The following ZNF469 variants were observed in gnomAD, a reference collection of about 807,000 sequenced individuals.
ZNF469 encodes the protein zinc finger protein 469.
In ZNF469, 1 loss-of-function variant was observed where a neutral mutation model predicts 1.0. The ratio of observed to expected loss-of-function variants is 1.00; its 90% CI spans 0.35 to 4.73. The LOEUF (loss-of-function observed/expected upper bound fraction) is 4.73, where lower values mean the gene tolerates loss of function less well. ZNF469 is among the 30% of genes most tolerant of loss of function. ZNF469 has a pLI of 0.16. For missense variants in ZNF469, 6,100 were observed against 5,356.3 expected (o/e 1.14, Z -4.33); for synonymous variants, 2,703 against 2,363.4 (o/e 1.14, Z -4.17).
At position 88,429,634 on chromosome 16, in the gene ZNF469, G is replaced by A. The variant is rs989136489; in HGVS notation, c.2164G>A (p.Ala722Thr). Residue 722 changes from alanine (A) to threonine (T), a missense_variant, in exon 3 of 3, where the codon GCC becomes ACC. By Grantham distance (58) the Ala-to-Thr change is moderately conservative. Transcript: ENST00000565624. ...CACACACCACTTCTCCCTCAGCAGC[G>A]CCAGCCTGGACCAGCTGGACGTGCT... The part of the protein sequence containing the change: ...YPTHHFSLSS[A>T]SLDQLDVLLT... 11 of 1,544,404 alleles carry A rather than the reference G, an allele frequency of 7.1e-6. No individual in the cohort carries two copies. The highest frequency in any genetic ancestry group is 1.4e-5 in the African/African-American group (1 of 72,920).
the ZNF469 span, among the ~76,000 whole-genome samples, chr16:88,342,739 G>A: frequency 1.5e-4 from 23 of 152,308 alleles, no homozygotes; most frequent in Admixed American, 3.3e-4. Context: ...TCTGTTCTGC[G>A]TTGGGCCAGG....
At chr16:88,170,006 G>T in the ZNF469 span, among the ~76,000 whole-genome samples, 19 of 152,152 alleles carry the variant, frequency 1.2e-4, no homozygotes, top group South Asian at 6.2e-4. This position sits in a 1 kb window ranked among gnomAD's most constrained non-coding sequence, Gnocchi z 4.2. Flanking sequence ...ATTTATGGGG[G>T]GCATGGTGCA....
At chr16:88,381,005 C>A (rs201955531), upstream of ZNF469, among the ~76,000 whole-genome samples, 4,253 of 146,872 alleles carry the variant, frequency 0.029, 155 homozygotes, top group Admixed American at 0.088. Flanking sequence ...CATGCACTCA[C>A]ACACATGCGC....
the ZNF469 span, among the ~76,000 whole-genome samples, chr16:88,217,160 C>T: frequency 9.1e-3 from 1,376 of 151,060 alleles, 24 homozygotes; most frequent in African/African-American, 0.032. Context: ...AATACTAACA[C>T]GGTGAATAAA....
chr16:88,165,799 G>A, the ZNF469 span, among the ~76,000 whole-genome samples: 8 of 152,004 alleles, frequency 5.3e-5, no homozygotes, highest in South Asian at 4.2e-4. Flanking sequence ...GCCCCAGCCC[G>A]GCCCCGCCGC....
chr16:88,395,282 G>A (rs1431761206), intron 1 of ZNF469, among the ~76,000 whole-genome samples: 2 of 136,440 alleles, frequency 1.5e-5, no homozygotes, highest in African/African-American at 2.7e-5. Flanking sequence ...TGGATGGATG[G>A]ATGGGTGGAT....
the ZNF469 span, among the ~76,000 whole-genome samples, chr16:88,121,967 A>C: frequency 6.6e-6 from 1 of 152,126 alleles, no homozygotes; most frequent in Non-Finnish European, 1.5e-5. Context: ...ACAGAAGCCA[A>C]ATAAACAGTG....
the ZNF469 span, among the ~76,000 whole-genome samples, chr16:88,185,231 A>G: frequency 4.0e-5 from 6 of 151,696 alleles, no homozygotes; most frequent in East Asian, 5.8e-4. Flanking sequence ...ACATTCACAC[A>G]CGGGCACACC....
At chr16:88,217,733 T>C in the ZNF469 span, among the ~76,000 whole-genome samples, 1 of 108,200 alleles carries the variant, frequency 9.2e-6, no homozygotes, top group Admixed American at 1.0e-4. Flanking sequence ...AGAATGATGA[T>C]TTCCAATTTC....
At chr16:88,118,929 A>T in the ZNF469 span, among the ~76,000 whole-genome samples, 1 of 152,212 alleles carries the variant, frequency 6.6e-6, no homozygotes, top group Non-Finnish European at 1.5e-5. Flanking sequence ...ACGGAGATGC[A>T]GTTCACTTGT....
the ZNF469 span, among the ~76,000 whole-genome samples, chr16:88,111,856 C>T: frequency 3.6e-4 from 55 of 152,146 alleles, 1 homozygote; most frequent in Non-Finnish European, 7.2e-4. Context: ...AGGCTGGTCT[C>T]GATCTACTGA....
the ZNF469 span, among the ~76,000 whole-genome samples, chr16:88,112,840 C>G: frequency 7.1e-6 from 1 of 140,828 alleles, no homozygotes; most frequent in African/African-American, 2.7e-5. Context: ...TGCAGTGGCA[C>G]GATCTCAGCT....
chr16:88,105,712 T>C, the ZNF469 span, among the ~76,000 whole-genome samples: 1 of 152,098 alleles, frequency 6.6e-6, no homozygotes, highest in Admixed American at 6.5e-5. Context: ...AAAGCCTGAG[T>C]GCTAAGTTGT....
chr16:88,291,312 C>A, the ZNF469 span, among the ~76,000 whole-genome samples: 3 of 152,176 alleles, frequency 2.0e-5, no homozygotes, highest in Non-Finnish European at 4.4e-5. Flanking sequence ...ACATTGGTCC[C>A]CACTACACAC....
the ZNF469 span, among the ~76,000 whole-genome samples, chr16:88,273,251 T>TA: frequency 1.3e-5 from 1 of 77,540 alleles, no homozygotes; most frequent in Non-Finnish European, 2.6e-5. Context: ...GGTGTTATGC[T>TA]AGAAAAGAAT....
At chr16:88,216,060 T>C in the ZNF469 span, among the ~76,000 whole-genome samples, 2 of 152,322 alleles carry the variant, frequency 1.3e-5, no homozygotes, top group East Asian at 3.9e-4. Flanking sequence ...TTCCATATTT[T>C]TTTTTGGTAC....
At chr16:88,128,827 G>T in the ZNF469 span, among the ~76,000 whole-genome samples, 1 of 152,238 alleles carries the variant, frequency 6.6e-6, no homozygotes, top group Admixed American at 6.5e-5. Context: ...GCTCACCTGG[G>T]CCGGGAGGAT....
chr16:88,343,511 C>T, the ZNF469 span, among the ~76,000 whole-genome samples: 1 of 152,098 alleles, frequency 6.6e-6, no homozygotes. Flanking sequence ...TAGCTGAATC[C>T]CTGAGCCTGG....
the ZNF469 span, among the ~76,000 whole-genome samples, chr16:88,113,582 G>C: frequency 6.6e-6 from 1 of 152,292 alleles, no homozygotes; most frequent in East Asian, 1.9e-4. Context: ...TCCAGCCCTG[G>C]GGAAGGCCAT....
Sources: allele counts gnomAD v4.1 joint callset (sites outside exome capture counted in the v4.1 genomes callset), GRCh38; gene constraint gnomAD v4.1.1; non-coding constraint Gnocchi (gnomAD v3.1); transcripts MANE v1.5; gene names NCBI Gene and HGNC (gene_info 2026-07-23, HGNC 2026-07-21).